TNRC6B: variants seen among roughly 807,000 people sequenced by gnomAD.
TNRC6B encodes the protein trinucleotide repeat containing adaptor 6B.
Under a neutral mutation model 203.6 loss-of-function variants are expected in TNRC6B, and 52 were observed. The ratio of observed to expected loss-of-function variants is 0.26; its 90% CI spans 0.20 to 0.32. TNRC6B has a LOEUF of 0.32. Ranked by LOEUF, TNRC6B falls within the 10% of genes least tolerant of loss-of-function variation. TNRC6B has a pLI of 1.00. For synonymous variants in TNRC6B, 838 were observed against 845.7 expected (o/e 0.99, Z 0.16); for missense variants, 1,923 against 2,286.2 (o/e 0.84, Z 3.24).
At chr22:40,144,047 A>C (rs1398223793) in intron 3 of TNRC6B, among the ~76,000 whole-genome samples, 1 of 152,260 alleles carries the variant, frequency 6.6e-6, no homozygotes, top group African/African-American at 2.4e-5. Context: ...AAATGACTAC[A>C]GTTCAAAAGA....
Position 40,244,481 on chromosome 22 carries a change from A to G in TNRC6B, c.6-1534A>G, listed in dbSNP as rs117441168. 9.8e-3 allele frequency among the ~76,000 whole-genome samples: 1,470 copies of G among 149,938 alleles called. 7 individuals carry two copies. Among genetic ancestry groups the G allele is most frequent in the South Asian group, 0.017 (82 of 4,748 alleles). ...TTTTTAAGTCTTTTTTTTTTTTTCT[A>G]TAAATAAGACATTATGTATTCACGA... On this transcript the variant is annotated intron_variant, in intron 1 of 22. Coordinates refer to ENST00000454349, the MANE Select transcript of TNRC6B (RefSeq NM_001162501.2).
At chr22:40,089,458 C>G (rs1601808813) in intron 1 of TNRC6B, among the ~76,000 whole-genome samples, 1 of 152,082 alleles carries the variant, frequency 6.6e-6, no homozygotes, top group Non-Finnish European at 1.5e-5. Flanking sequence ...GTTGTGAACT[C>G]CTGACCTCAA....
At chr22:40,268,969 C>G (rs1030944880) in intron 5 of TNRC6B, among the ~76,000 whole-genome samples, 2 of 150,836 alleles carry the variant, frequency 1.3e-5, no homozygotes, top group Non-Finnish European at 3.0e-5. Context: ...GGTCTCTTCC[C>G]AAAGGTAATC....
At chr22:40,272,494 A>G (rs1186470937) in intron 6 of TNRC6B, among the ~76,000 whole-genome samples, 7 of 152,236 alleles carry the variant, frequency 4.6e-5, no homozygotes, top group Non-Finnish European at 8.8e-5. Flanking sequence ...GAAGACTTTC[A>G]TAAATGTCCT....
intron 6 of TNRC6B, among the ~76,000 whole-genome samples, chr22:40,270,510 G>A (rs532514699): frequency 5.3e-5 from 8 of 151,914 alleles, no homozygotes; most frequent in Non-Finnish European, 8.8e-5. Context: ...ATTAGAGATG[G>A]GGTTTCTCCA....
intron 3 of TNRC6B, among the ~76,000 whole-genome samples, chr22:40,132,274 G>A (rs2068552021): frequency 6.6e-6 from 1 of 152,196 alleles, no homozygotes; most frequent in South Asian, 2.1e-4. Context: ...GCTGAGGCAG[G>A]AGAATCAGTT....
At chr22:40,276,035 T>C (rs184265631) in intron 7 of TNRC6B, among the ~76,000 whole-genome samples, 59 of 151,688 alleles carry the variant, frequency 3.9e-4, no homozygotes, top group Admixed American at 3.5e-3. Flanking sequence ...CTTTCAAGGA[T>C]AATAAAATTG....
At chr22:40,074,735 C>T (rs1298656973) in intron 1 of TNRC6B, among the ~76,000 whole-genome samples, 5 of 151,512 alleles carry the variant, frequency 3.3e-5, no homozygotes, top group African/African-American at 9.7e-5. Context: ...GCCGAGATCA[C>T]GCCACTGCAC....
intron 1 of TNRC6B, among the ~76,000 whole-genome samples, chr22:40,094,715 A>G (rs1008590361): frequency 2.6e-5 from 4 of 152,224 alleles, no homozygotes; most frequent in Non-Finnish European, 4.4e-5. Context: ...TTCATTGGTA[A>G]GCACTAGCTT....
At position 40,328,939 on chromosome 22, in the gene TNRC6B, C is replaced by T. The variant is rs2071433857; in HGVS notation, c.*5698C>T. ...AAATTTTTCGCTGGTTAAAAAAAAT[C>T]AAACTTTCCTCTGCAGTGTTTTTGC... On this transcript the variant is annotated 3_prime_UTR_variant, in exon 23 of 23. Transcript: ENST00000454349. The T allele has an allele frequency of 6.6e-6, 1 of 152,004 alleles. No homozygotes were observed. The highest frequency in any genetic ancestry group is 2.4e-5 in the African/African-American group (1 of 41,322). 9.4% of individuals were successfully genotyped at this position (152,004 alleles called of 1,614,324 possible). A position where few individuals can be genotyped will look rare whatever the true frequency, so the allele number is the denominator to read the frequency against.
intron 3 of TNRC6B, among the ~76,000 whole-genome samples, chr22:40,153,974 T>G (rs748476864): frequency 1.8e-4 from 28 of 151,606 alleles, no homozygotes; most frequent in South Asian, 8.3e-4. Flanking sequence ...TTATTGGCTT[T>G]CTTTATTTTT....
chr22:40,279,664 A>T (rs1359208131), intron 9 of TNRC6B, among the ~76,000 whole-genome samples: 1 of 152,232 alleles, frequency 6.6e-6, no homozygotes, highest in East Asian at 1.9e-4. Flanking sequence ...CATCAGACAC[A>T]TCAGTATCCA....
In TNRC6B at chr22:40,280,071, G is replaced by A. The variant is rs2070703977; in HGVS notation, c.3339G>A (p.Lys1113=). 1 of 1,613,862 alleles carries A rather than the reference G, an allele frequency of 6.2e-7. No individual in the cohort carries two copies. The highest frequency in any genetic ancestry group is 8.5e-7 in the Non-Finnish European group (1 of 1,179,806). The change falls in exon 10 of 23, where the codon AAG becomes AAA. Residue 1113 remains lysine (K), a synonymous_variant. Coordinates refer to ENST00000454349, the MANE Select transcript of TNRC6B (RefSeq NM_001162501.2). ...GGGATTTTAATGATATCATGAGGAA[G>A]GATCGATCTGGGTTCCGTCCACCTA... is the stretch of plus-strand genomic sequence containing the variant. ...NLGDFNDIMR[K]DRSGFRPPNS...
At chr22:40,085,516 T>A (rs1719027190) in intron 1 of TNRC6B, among the ~76,000 whole-genome samples, 1 of 152,214 alleles carries the variant, frequency 6.6e-6, no homozygotes, top group African/African-American at 2.4e-5. Context: ...GTTTGTCCTA[T>A]AGTTTCTTAC....
intron 1 of TNRC6B, among the ~76,000 whole-genome samples, chr22:40,233,155 A>AAAAAG (rs776521591): frequency 4.6e-5 from 7 of 151,850 alleles, no homozygotes; most frequent in African/African-American, 1.5e-4. Flanking sequence ...AAAAAAAGAA[A>AAAAAG]AAAAGAAAAG....
intron 2 of TNRC6B, among the ~76,000 whole-genome samples, chr22:40,250,933 CTTT>C (rs11330855): frequency 1.9e-4 from 25 of 133,164 alleles, no homozygotes; most frequent in Non-Finnish European, 2.6e-4. Flanking sequence ...GAGTGGAATG[CTTT>C]TTTTTTTTTT....
chr22:40,192,793 A>T (rs2069290828), intron 1 of TNRC6B, among the ~76,000 whole-genome samples: 1 of 152,140 alleles, frequency 6.6e-6, no homozygotes, highest in Non-Finnish European at 1.5e-5. Context: ...ATGTGGTGGG[A>T]TGAACAGCAG....
intron 1 of TNRC6B, among the ~76,000 whole-genome samples, chr22:40,183,848 C>A (rs997964427): frequency 6.6e-6 from 1 of 152,114 alleles, no homozygotes; most frequent in Non-Finnish European, 1.5e-5. Flanking sequence ...GCGCCTGCCA[C>A]TACACCCAGC....
intron 12 of TNRC6B, among the ~76,000 whole-genome samples, chr22:40,297,627 G>A (rs1276683527): frequency 6.6e-6 from 1 of 151,792 alleles, no homozygotes. Flanking sequence ...TTCGAGATCA[G>A]CCTGGCCAAT....
Sources: allele counts gnomAD v4.1 joint callset (sites outside exome capture counted in the v4.1 genomes callset), GRCh38; gene constraint gnomAD v4.1.1; transcripts MANE v1.5; gene names NCBI Gene and HGNC (gene_info 2026-07-23, HGNC 2026-07-21).